Variants in OTOA observed in about 807,000 individuals in gnomAD.
OTOA encodes the protein otoancorin.
Under a neutral mutation model 110.8 loss-of-function variants are expected in OTOA, and 70 were observed. That is an observed-to-expected ratio of 0.63 (90% CI 0.52 to 0.77). The LOEUF is 0.77. Ranked by LOEUF, OTOA falls within the 30% of genes least tolerant of loss-of-function variation. The pLI, the probability that OTOA is intolerant of heterozygous loss-of-function variation, is 0.00. For missense variants in OTOA, 917 were observed against 1,075.8 expected, an observed-to-expected ratio of 0.85 and a Z score of 2.06; for synonymous variants, 373 against 431.5, an observed-to-expected ratio of 0.86 and a Z score of 1.68.
chr16:21,684,343 C>T (rs747058537), intron 6 of OTOA: 1 of 1,374,348 alleles, frequency 7.3e-7, no homozygotes, highest in Non-Finnish European at 9.5e-7. Context: ...GAGAACAATT[C>T]CCCAGACAGC....
At chr16:21,757,615 C>CTATTATTATTATTAT (rs557683434) in intron 28 of OTOA, among the ~76,000 whole-genome samples, 22 of 149,976 alleles carry the variant, frequency 1.5e-4, no homozygotes, top group African/African-American at 4.3e-4. Context: ...TAATAATGAA[C>CTATTATTATTATTAT]TATTATTATT....
At chr16:21,690,401 G>C (rs1169191001) in intron 8 of OTOA, among the ~76,000 whole-genome samples, 5 of 149,978 alleles carry the variant, frequency 3.3e-5, no homozygotes, top group African/African-American at 4.9e-5. Flanking sequence ...GTGTCCATGT[G>C]ATCTCATCGT....
intron 21 of OTOA, among the ~76,000 whole-genome samples, chr16:21,731,306 A>T (rs866797234): frequency 1.3e-5 from 2 of 152,240 alleles, no homozygotes; most frequent in Non-Finnish European, 2.9e-5. Flanking sequence ...AAGCACATTT[A>T]ATCCAATAAC....
chr16:21,697,687 C>G (rs1897971047), intron 9 of OTOA, 88 bp from the exon 10 acceptor site: 2 of 1,210,168 alleles, frequency 1.7e-6, no homozygotes, highest in Non-Finnish European at 2.4e-6. Context: ...TAGGTCTTGA[C>G]AGCAAAGATG....
chr16:21,714,957 C>G, intron 13 of OTOA, 28 bp from the exon 14 acceptor site: 1 of 1,613,664 alleles, frequency 6.2e-7, no homozygotes, highest in Non-Finnish European at 8.5e-7. Flanking sequence ...GGGAGCAGAG[C>G]CTGACTGCGC....
chr16:21,737,232 T>A (rs1157870446), intron 22 of OTOA, among the ~76,000 whole-genome samples: 2 of 152,214 alleles, frequency 1.3e-5, no homozygotes, highest in African/African-American at 4.8e-5. Context: ...TGATTTTTTT[T>A]ATTTTTTGAG....
At chr16:21,754,028 C>A (rs1899909883) in intron 27 of OTOA, among the ~76,000 whole-genome samples, 1 of 136,938 alleles carries the variant, frequency 7.3e-6, no homozygotes, top group South Asian at 2.7e-4. Context: ...CCATTGCACT[C>A]CAGCCTGGGC....
At chr16:21,707,362 A>G (rs949757278) in intron 12 of OTOA, among the ~76,000 whole-genome samples, 9 of 152,026 alleles carry the variant, frequency 5.9e-5, no homozygotes, top group Non-Finnish European at 1.0e-4. Context: ...TGGAGGGTGC[A>G]TCTAAATCAC....
chr16:21,727,795 C>A (rs1898969129), intron 19 of OTOA, among the ~76,000 whole-genome samples: 1 of 151,786 alleles, frequency 6.6e-6, no homozygotes, highest in Non-Finnish European at 1.5e-5. Flanking sequence ...CCTGTTCCAT[C>A]TCTAGGAATC....
intron 12 of OTOA, among the ~76,000 whole-genome samples, chr16:21,706,848 A>AC (rs1898182845): frequency 1.6e-5 from 2 of 123,360 alleles, no homozygotes; most frequent in South Asian, 2.7e-4. Flanking sequence ...TATAAGATTC[A>AC]TTTTTTTTTT....
At chr16:21,673,267 C>T (rs1336481578) in intron 1 of OTOA, among the ~76,000 whole-genome samples, 1 of 152,146 alleles carries the variant, frequency 6.6e-6, no homozygotes, top group African/African-American at 2.4e-5. Flanking sequence ...ACAATAGTAC[C>T]ATATAAAATT....
intron 12 of OTOA, among the ~76,000 whole-genome samples, chr16:21,706,880 C>T (rs1898184820): frequency 7.2e-6 from 1 of 138,966 alleles, no homozygotes; most frequent in Admixed American, 7.6e-5. Context: ...CATTCTGTCA[C>T]CCAGGCTGGA....
intron 12 of OTOA, among the ~76,000 whole-genome samples, chr16:21,707,943 G>A (rs1287404733): frequency 2.6e-5 from 4 of 151,424 alleles, no homozygotes; most frequent in Non-Finnish European, 4.4e-5. Flanking sequence ...ACAGGTGCAC[G>A]CCACCACGCC....
At chr16:21,692,664 A>G (rs1054785851) in intron 9 of OTOA, among the ~76,000 whole-genome samples, 3 of 152,074 alleles carry the variant, frequency 2.0e-5, no homozygotes, top group African/African-American at 7.2e-5. Context: ...ATGGTGGCTC[A>G]TGCCTACAAT....
chr16:21,670,221 C>T (rs1457725653), intron 1 of OTOA, among the ~76,000 whole-genome samples: 8 of 151,910 alleles, frequency 5.3e-5, no homozygotes, highest in South Asian at 2.1e-4. Context: ...AAAGTCAGAG[C>T]GCTCACAATG....
At chr16:21,672,061 C>T (rs900151817) in intron 1 of OTOA, among the ~76,000 whole-genome samples, 3 of 152,132 alleles carry the variant, frequency 2.0e-5, no homozygotes, top group Admixed American at 1.3e-4. Context: ...CAGACCAATC[C>T]TAATTTGTTT....
chr16:21,734,672 T>TA lies in OTOA; in HGVS notation c.2302-1583dup, dbSNP rs564778588. Reference sequence around the variant, plus strand: ...TAAGAGGGTGAAACCCCGTCTCTACTAAAAAATACAAAAAATTAGCCGGGC... The same window carrying TA: ...TAAGAGGGTGAAACCCCGTCTCTACTAAAAAAATACAAAAAATTAGCCGGGC... On this transcript the variant is annotated intron_variant, in intron 21 of 28. Transcript: ENST00000646100. Among the ~76,000 whole-genome samples the TA allele has an allele frequency of 1.5e-4, 23 of 150,462 alleles. No individual in the cohort carries two copies. The East Asian group carries it at 3.0e-3, about 19-fold the overall frequency.
chr16:21,729,598 T>G (rs181280347), intron 20 of OTOA: 1 of 152,310 alleles, frequency 6.6e-6, no homozygotes, highest in African/African-American at 2.4e-5. Context: ...TATAATAACA[T>G]GTATTCACCA....
intron 10 of OTOA, among the ~76,000 whole-genome samples, chr16:21,699,905 CGA>C: frequency 6.6e-6 from 1 of 150,840 alleles, no homozygotes; most frequent in Non-Finnish European, 1.5e-5. Flanking sequence ...GGTGACAGAG[CGA>C]GACTCCATCT....
Sources: allele counts gnomAD v4.1 joint callset (sites outside exome capture counted in the v4.1 genomes callset), GRCh38; gene constraint gnomAD v4.1.1; transcripts MANE v1.5; gene names NCBI Gene and HGNC (gene_info 2026-07-23, HGNC 2026-07-21).